The following PRKDC variants were observed in gnomAD, a reference collection of about 807,000 sequenced individuals.
PRKDC encodes DNA-dependent protein kinase catalytic subunit.
Under a neutral mutation model 486.9 loss-of-function variants are expected in PRKDC, and 82 were observed. That is an observed-to-expected ratio of 0.17 (90% confidence interval 0.14 to 0.20). The LOEUF is 0.20. PRKDC is among the 10% of genes least tolerant of loss of function. The pLI is 1.00. For synonymous variants in PRKDC, 1,895 were observed against 1,837.0 expected (o/e 1.03, Z -0.81); for missense variants, 4,504 against 5,038.2 (o/e 0.89, Z 3.21).
At chr8:47,851,556 G>A (rs2088403590) in intron 52 of PRKDC, among the ~76,000 whole-genome samples, 1 of 152,196 alleles carries the variant, frequency 6.6e-6, no homozygotes, top group South Asian at 2.1e-4. Flanking sequence ...CTTCTCCTGA[G>A]CCTCTCCTCA....
At chr8:47,948,098 GCACACACACACACA>G (rs141437463) in intron 7 of PRKDC, among the ~76,000 whole-genome samples, 2 of 140,194 alleles carry the variant, frequency 1.4e-5, no homozygotes, top group African/African-American at 2.6e-5. Context: ...AAATATATTT[GCACACACACACACA>G]CACACACACA....
intron 11 of PRKDC, among the ~76,000 whole-genome samples, chr8:47,938,075 C>T (rs766093887): frequency 2.0e-5 from 3 of 152,060 alleles, no homozygotes; most frequent in Non-Finnish European, 4.4e-5. Context: ...GATTGTACCA[C>T]TACACTCCAG....
Position 47,823,897 on chromosome 8 carries a change from G to A in PRKDC, c.8883C>T (p.Ala2961=). 6.2e-7 allele frequency: 1 copy of A among 1,613,722 alleles called. No homozygotes were observed. The highest frequency in any genetic ancestry group is 8.5e-7 in the Non-Finnish European group (1 of 1,179,792). ...QITQSALLAE[A]RSDYSEAAKQ... ...TAGCAGCTTCAGAATAATCACTTCTGGCTTCTGCTAATAATGCACTCTGAG... is the reference window on the plus strand; with the variant it reads ...TAGCAGCTTCAGAATAATCACTTCTAGCTTCTGCTAATAATGCACTCTGAG... Residue 2961 remains alanine (A), a synonymous_variant, in exon 64 of 86, where the codon GCC becomes GCT. Coordinates refer to ENST00000314191, the MANE Select transcript of PRKDC (RefSeq NM_006904.7).
Position 47,849,506 on chromosome 8 carries a change from G to A in PRKDC, c.7006-3C>T, listed in dbSNP as rs1423502644. 2 of 1,608,172 alleles carry A rather than the reference G, an allele frequency of 1.2e-6. No homozygotes were observed. The highest frequency in any genetic ancestry group is 2.7e-5 in the African/African-American group (2 of 74,540). The stretch of plus-strand genomic sequence containing the variant: ...TCACACAGAGACTCCTCCAGTATCT[G>A]AAAAATTAAGTTTATTTTCAAATAC... On this transcript the variant is annotated splice_region_variant and splice_polypyrimidine_tract_variant and intron_variant, in intron 52 of 85. Coordinates refer to ENST00000314191, the MANE Select transcript of PRKDC (RefSeq NM_006904.7).
intron 60 of PRKDC, 121 bp from the exon 61 acceptor site, chr8:47,830,857 C>A (rs1054855693): frequency 1.7e-6 from 2 of 1,196,134 alleles, no homozygotes; most frequent in Non-Finnish European, 2.4e-6. Context: ...GGAACTGATG[C>A]TCGCAGAGGC....
intron 59 of PRKDC, 108 bp downstream of exon 59, chr8:47,834,088 T>C: frequency 7.2e-7 from 1 of 1,396,046 alleles, no homozygotes; most frequent in South Asian, 1.2e-5. Flanking sequence ...AAGGGCTTGA[T>C]TACGAATGAG....
At chr8:47,861,958 G>C in intron 44 of PRKDC, 104 bp downstream of exon 44, 1 of 916,814 alleles carries the variant, frequency 1.1e-6, no homozygotes, top group Non-Finnish European at 1.6e-6. Context: ...ACCAGTTTTT[G>C]TTGAAAGCCG....
At position 47,881,857 on chromosome 8, in the gene PRKDC, C is replaced by G. The variant is rs1225929243; in HGVS notation, c.4962+55G>C. ...CAACCTCCATCAAATTTTAAAGACACAAGTTACAGAGTTCAGAAGAATAAA... is the reference window on the plus strand; with the variant it reads ...CAACCTCCATCAAATTTTAAAGACAGAAGTTACAGAGTTCAGAAGAATAAA... On this transcript the variant is annotated intron_variant, in intron 37 of 85. Transcript: ENST00000314191. The G allele has an allele frequency of 2.8e-6, 4 of 1,421,058 alleles. No homozygotes were observed. The African/African-American group carries it at 5.7e-5, about 20-fold the overall frequency. 88.0% of individuals were successfully genotyped at this position (1,421,058 alleles called of 1,614,324 possible). A position where few individuals can be genotyped will look rare whatever the true frequency, so the allele number is the denominator to read the frequency against.
intron 40 of PRKDC, among the ~76,000 whole-genome samples, chr8:47,865,097 T>C (rs1229781963): frequency 6.6e-6 from 1 of 152,170 alleles, no homozygotes; most frequent in African/African-American, 2.4e-5. Context: ...GATATAAAAC[T>C]CAGAAGTTGG....
intron 71 of PRKDC, 36 bp from the exon 72 acceptor site, chr8:47,799,426 C>G: frequency 7.0e-7 from 1 of 1,437,974 alleles, no homozygotes; most frequent in Non-Finnish European, 9.1e-7. Context: ...ATGAGCATGA[C>G]TGAAGCTTTC....
In PRKDC at chr8:47,782,584, C is replaced by T. The variant is rs535124411; in HGVS notation, c.11190G>A (p.Ala3730=). Residue 3730 remains alanine (A), a synonymous_variant, in exon 79 of 86, where the codon GCG becomes GCA. Coordinates refer to ENST00000314191, the MANE Select transcript of PRKDC (RefSeq NM_006904.7). The surrounding 1 kb of genome is among the most constrained non-coding windows in gnomAD (Gnocchi z 4.9). The part of the protein sequence containing the change: ...AGFDERVTVM[A]SLRRPKRIII... Reference sequence around the variant, plus strand: ...TGATGCGCTTGGGCCTTCGCAGAGACGCCATGACTGTCACCTTCAAAAATC... The same window carrying T: ...TGATGCGCTTGGGCCTTCGCAGAGATGCCATGACTGTCACCTTCAAAAATC... 37 of 1,560,030 alleles carry T rather than the reference C, an allele frequency of 2.4e-5. No homozygotes were observed. The highest frequency in any genetic ancestry group is 9.5e-5 in the African/African-American group (7 of 73,660).
intron 21 of PRKDC, among the ~76,000 whole-genome samples, chr8:47,918,750 C>G (rs1218725786): frequency 6.6e-6 from 1 of 152,108 alleles, no homozygotes; most frequent in Non-Finnish European, 1.5e-5. Flanking sequence ...ACAAATCTTA[C>G]TAATACAGAT....
intron 68 of PRKDC, among the ~76,000 whole-genome samples, chr8:47,813,180 C>T (rs1342597694): frequency 6.6e-6 from 1 of 151,886 alleles, no homozygotes; most frequent in Admixed American, 6.6e-5. Context: ...TGCAATGGCA[C>T]GATCTCTGCT....
chr8:47,872,164 A>C (rs1323653700), intron 40 of PRKDC, among the ~76,000 whole-genome samples: 1 of 152,210 alleles, frequency 6.6e-6, no homozygotes, highest in South Asian at 2.1e-4. Flanking sequence ...AATTTTTATT[A>C]GTTTTTTCTC....
chr8:47,854,607 C>G (rs1014291714), intron 50 of PRKDC, among the ~76,000 whole-genome samples: 1 of 151,682 alleles, frequency 6.6e-6, no homozygotes, highest in Non-Finnish European at 1.5e-5. Flanking sequence ...CCCAAAGAGC[C>G]GGGATTAAGG....
chr8:47,954,697 G>T (rs1285548805), intron 4 of PRKDC, among the ~76,000 whole-genome samples: 3 of 152,118 alleles, frequency 2.0e-5, no homozygotes, highest in Non-Finnish European at 1.5e-5. Flanking sequence ...GGGGAAGAAT[G>T]CTCTAGGTGT....
At chr8:47,867,426 C>T (rs1382035726) in intron 40 of PRKDC, among the ~76,000 whole-genome samples, 2 of 152,194 alleles carry the variant, frequency 1.3e-5, no homozygotes, top group Non-Finnish European at 2.9e-5. Flanking sequence ...AATAACCACA[C>T]ATCAAGAAAA....
chr8:47,801,537 T>TAG (rs1370663407), intron 70 of PRKDC, among the ~76,000 whole-genome samples: 1 of 152,190 alleles, frequency 6.6e-6, no homozygotes, highest in Non-Finnish European at 1.5e-5. Context: ...AATTGAAACT[T>TAG]TATGAATTAA....
At chr8:47,877,160 T>C (rs758688407) in intron 40 of PRKDC, among the ~76,000 whole-genome samples, 4 of 152,234 alleles carry the variant, frequency 2.6e-5, no homozygotes, top group Non-Finnish European at 5.9e-5. Context: ...AGTGTCCAAG[T>C]ATCTCCAAAA....
Sources: allele counts gnomAD v4.1 joint callset (sites outside exome capture counted in the v4.1 genomes callset), GRCh38; gene constraint gnomAD v4.1.1; non-coding constraint Gnocchi (gnomAD v3.1); transcripts MANE v1.5; gene names NCBI Gene and HGNC (gene_info 2026-07-23, HGNC 2026-07-21).